Variants in RBFOX1 observed in about 807,000 individuals in gnomAD.
RBFOX1 encodes RNA binding protein fox-1 homolog 1.
A neutral mutation model predicts 57.7 loss-of-function variants in RBFOX1; 8 were observed. That is an observed-to-expected ratio of 0.14 (90% CI 0.08 to 0.25). The LOEUF (loss-of-function observed/expected upper bound fraction) is 0.25. Ranked by LOEUF, RBFOX1 falls within the 10% of genes least tolerant of loss-of-function variation. The probability of loss-of-function intolerance (pLI) is 1.00; values close to 1 mark genes in which losing one functional copy is unlikely to be tolerated. For synonymous variants in RBFOX1, 326 were observed against 222.4 expected (o/e 1.47, Z -4.15); for missense variants, 611 against 548.5 (o/e 1.11, Z -1.14).
intron 2 of RBFOX1, among the ~76,000 whole-genome samples, chr16:6,554,759 G>C (rs868491847): frequency 0.019 from 1,995 of 106,848 alleles, 53 homozygotes; most frequent in African/African-American, 0.073. Context: ...CACACACACA[G>C]ACACACACAC....
chr16:6,846,371 G>C (rs147369929), intron 3 of RBFOX1, among the ~76,000 whole-genome samples: 1 of 152,174 alleles, frequency 6.6e-6, no homozygotes, highest in East Asian at 1.9e-4. Context: ...CTTCCCAACA[G>C]CAAGCTGTAT....
intron 2 of RBFOX1, among the ~76,000 whole-genome samples, chr16:6,361,521 G>A (rs929033281): frequency 3.3e-5 from 5 of 151,814 alleles, no homozygotes; most frequent in Non-Finnish European, 5.9e-5. Context: ...GCAGCTTCTC[G>A]GGAGGCTGAG....
At chr16:5,756,939 A>G (rs2053419209) in intron 3 of RBFOX1, among the ~76,000 whole-genome samples, 1 of 152,236 alleles carries the variant, frequency 6.6e-6, no homozygotes, top group Non-Finnish European at 1.5e-5. Flanking sequence ...TAAAGCCCTT[A>G]ACTGTATTAT....
At chr16:5,952,506 C>G (rs571492960) in intron 4 of RBFOX1, among the ~76,000 whole-genome samples, 3 of 152,104 alleles carry the variant, frequency 2.0e-5, no homozygotes, top group African/African-American at 7.2e-5. Context: ...AGGCTGGTCT[C>G]GAACCACTGA....
chr16:7,504,797 ATATATT>A lies in RBFOX1; in HGVS notation c.28-13344_28-13339del, dbSNP rs1353082719. On this transcript the variant is annotated intron_variant, in intron 4 of 15. Transcript: ENST00000550418. ...TATATATATATATATTTATATATAT[ATATATT>A]TATATATATATATATAGTGACTAAC... Among the ~76,000 whole-genome samples, 20 of 28,134 alleles carry A rather than the reference ATATATT, an allele frequency of 7.1e-4. 1 individual carries two copies. Among genetic ancestry groups the A allele is most frequent in the African/African-American group, 1.5e-3 (19 of 12,482 alleles). 18.5% of individuals were successfully genotyped at this position (28,134 alleles called of 152,430 possible).
chr16:7,439,361 A>C (rs1009514815), intron 4 of RBFOX1, among the ~76,000 whole-genome samples: 5 of 136,544 alleles, frequency 3.7e-5, no homozygotes, highest in African/African-American at 1.3e-4. Flanking sequence ...TGTGAAAGGC[A>C]GATTAAAAAA....
intron 4 of RBFOX1, among the ~76,000 whole-genome samples, chr16:7,140,707 A>G (rs941330237): frequency 3.9e-5 from 6 of 152,138 alleles, no homozygotes; most frequent in Non-Finnish European, 8.8e-5. Context: ...ATCCTGTGCA[A>G]TAATTATTGG....
chr16:7,687,381 G>A (rs1349091629), intron 14 of RBFOX1, among the ~76,000 whole-genome samples: 1 of 152,012 alleles, frequency 6.6e-6, no homozygotes, highest in African/African-American at 2.4e-5. Context: ...AGACAGGCAA[G>A]TCCAAGATAC....
At chr16:7,317,419 C>G (rs141803340) in intron 4 of RBFOX1, among the ~76,000 whole-genome samples, 166 of 152,236 alleles carry the variant, frequency 1.1e-3, no homozygotes, top group African/African-American at 3.9e-3. Context: ...CATCTGAACT[C>G]TACCATCACC....
At position 6,988,752 on chromosome 16, in the gene RBFOX1, T is replaced by TTTTTG. The variant is rs1555723743; in HGVS notation, c.-15-63301_-15-63300insGTTTT. ...GCTAATTTTTTTTTTTGTTTGTTTG[T>TTTTTG]TTTTTGTTTTTTGTTTTTTGTTTTT... is the stretch of plus-strand genomic sequence containing the variant. On this transcript the variant is annotated intron_variant, in intron 3 of 15. Coordinates refer to ENST00000550418, the MANE Select transcript of RBFOX1 (RefSeq NM_018723.4). Among the ~76,000 whole-genome samples the TTTTTG allele has an allele frequency of 2.8e-4, 20 of 71,780 alleles. 1 individual carries two copies. Among genetic ancestry groups the TTTTTG allele is most frequent in the African/African-American group, 7.4e-4 (20 of 27,056 alleles). 47.1% of individuals were successfully genotyped at this position (71,780 alleles called of 152,430 possible).
intron 1 of RBFOX1, among the ~76,000 whole-genome samples, chr16:6,098,107 C>G (rs535835987): frequency 9.8e-5 from 15 of 152,306 alleles, no homozygotes; most frequent in African/African-American, 3.6e-4. Flanking sequence ...AGGGGTCGGT[C>G]ACCATTTACT....
chr16:6,214,050 A>G (rs1473125218), intron 1 of RBFOX1, among the ~76,000 whole-genome samples: 2 of 152,120 alleles, frequency 1.3e-5, no homozygotes, highest in Non-Finnish European at 2.9e-5. Flanking sequence ...CAGATGTCCC[A>G]CCCATCTCTC....
At chr16:7,110,028 A>C (rs923356364) in intron 4 of RBFOX1, among the ~76,000 whole-genome samples, 1 of 151,968 alleles carries the variant, frequency 6.6e-6, no homozygotes. Context: ...GTTATAATTC[A>C]CCTGTTTATT....
chr16:6,147,496 T>C (rs1325067114), intron 1 of RBFOX1, among the ~76,000 whole-genome samples: 1 of 152,160 alleles, frequency 6.6e-6, no homozygotes, highest in African/African-American at 2.4e-5. Flanking sequence ...AGAGGCTGTG[T>C]GTCCACCTCT....
chr16:7,380,592 C>T (rs1047752327), intron 4 of RBFOX1, among the ~76,000 whole-genome samples: 1 of 152,146 alleles, frequency 6.6e-6, no homozygotes, highest in African/African-American at 2.4e-5. Flanking sequence ...AAACAAAAAC[C>T]AGTTTCCAAA....
intron 3 of RBFOX1, among the ~76,000 whole-genome samples, chr16:5,613,380 G>C (rs554309998): frequency 2.0e-5 from 3 of 152,070 alleles, no homozygotes; most frequent in African/African-American, 7.2e-5. Flanking sequence ...TTCTGTACGT[G>C]GGTGCAACGT....
intron 1 of RBFOX1, among the ~76,000 whole-genome samples, chr16:6,151,709 C>G (rs542520202): frequency 2.0e-5 from 3 of 152,296 alleles, no homozygotes; most frequent in South Asian, 4.1e-4. Flanking sequence ...TGAGGCTACA[C>G]AGGCACTGCT....
rs77073049 is a variant in RBFOX1 at position 6,884,052 on chromosome 16, C to G, written c.-15-168005C>G. Among the ~76,000 whole-genome samples, 906 of 152,242 alleles carry G rather than the reference C, an allele frequency of 6.0e-3. 14 individuals are homozygous for G. Among genetic ancestry groups the G allele is most frequent in the African/African-American group, 0.021 (856 of 41,538 alleles). On this transcript the variant is annotated intron_variant, in intron 3 of 15. Transcript: ENST00000550418. ...CTTCTGACAAACTGATCCTGTTAAGCATCCACTGCAGAGCGGTGGCTGCTG... is the reference window on the plus strand; with the variant it reads ...CTTCTGACAAACTGATCCTGTTAAGGATCCACTGCAGAGCGGTGGCTGCTG...
chr16:7,693,430 T>TC, intron 14 of RBFOX1: 1 of 1,322,824 alleles, frequency 7.6e-7, no homozygotes, highest in Non-Finnish European at 1.1e-6. Context: ...TTTTTTTTTT[T>TC]TTTTCTTCTT....
Sources: allele counts gnomAD v4.1 joint callset (sites outside exome capture counted in the v4.1 genomes callset), GRCh38; gene constraint gnomAD v4.1.1; transcripts MANE v1.5; gene names NCBI Gene and HGNC (gene_info 2026-07-23, HGNC 2026-07-21).